LRBA: variants seen among roughly 807,000 people sequenced by gnomAD.
LRBA encodes lipopolysaccharide-responsive and beige-like anchor protein.
In LRBA, 176 loss-of-function variants were observed where a neutral mutation model predicts 330.0. That is an observed-to-expected ratio of 0.53 (90% CI 0.47 to 0.60). The LOEUF is 0.60. Among genes scored for constraint, LRBA ranks in the 20% least tolerant of loss-of-function variants. The pLI, the probability that LRBA is intolerant of heterozygous loss-of-function variation, is 0.00. For missense variants in LRBA, 3,259 were observed against 3,444.8 expected, an observed-to-expected ratio of 0.95 and a Z score of 1.35; for synonymous variants, 1,230 against 1,193.0, an observed-to-expected ratio of 1.03 and a Z score of -0.64.
chr4:150,574,324 G>A (rs892930107), intron 40 of LRBA, among the ~76,000 whole-genome samples: 13 of 151,968 alleles, frequency 8.6e-5, no homozygotes, highest in East Asian at 3.9e-4. Flanking sequence ...ATATACCTAC[G>A]TTAGAGCAGC....
At chr4:150,502,630 A>G (rs1760429107) in intron 40 of LRBA, among the ~76,000 whole-genome samples, 1 of 152,250 alleles carries the variant, frequency 6.6e-6, no homozygotes. Context: ...TGTGAGCAAC[A>G]CAGAAGACGG....
chr4:150,418,979 C>T (rs951928576), intron 46 of LRBA, among the ~76,000 whole-genome samples: 5 of 151,714 alleles, frequency 3.3e-5, no homozygotes, highest in African/African-American at 1.2e-4. Flanking sequence ...TTTCCCCAGC[C>T]TGGGGGAAAG....
Position 150,415,525 on chromosome 4 carries a change from T to G in LRBA, c.7107A>C (p.Gly2369=), listed in dbSNP as rs908237562. The part of the protein sequence containing the change: ...MFVNFNNYNL[G]VMDDGTVVSD... ...ACACTACTGTCCCATCATCCATCAC[T>G]CCAAGATTATAATTATTGAAGTTGA... The change falls in exon 47 of 57, where the codon GGA becomes GGC. Residue 2369 remains glycine, a synonymous_variant. Transcript: ENST00000651943. 4 of 1,604,992 alleles carry G rather than the reference T, an allele frequency of 2.5e-6. No individual in the cohort carries two copies. Among genetic ancestry groups the G allele is most frequent in the Non-Finnish European group, 3.4e-6 (4 of 1,171,840 alleles).
At chr4:150,998,007 C>T (rs1217249830) in intron 2 of LRBA, among the ~76,000 whole-genome samples, 1 of 151,956 alleles carries the variant, frequency 6.6e-6, no homozygotes, top group Non-Finnish European at 1.5e-5. Context: ...CCTGGCCAAA[C>T]AGTCTATAAT....
At position 150,639,664 on chromosome 4, in the gene LRBA, C is replaced by T. The variant is rs201294370; in HGVS notation, c.5922-40533G>A. On this transcript the variant is annotated intron_variant, in intron 37 of 56. Transcript: ENST00000651943. ...ATAATAATAATGGTCCTAGATCCTA[C>T]ATTACTTTAGAATGTTCTACTGTAT... 7.2e-4 allele frequency among the ~76,000 whole-genome samples: 99 copies of T among 138,092 alleles called. No homozygotes were observed. The East Asian group carries it at 0.019, about 27-fold the overall frequency. 90.6% of individuals were successfully genotyped at this position (138,092 alleles called of 152,430 possible). A position where few individuals can be genotyped will look rare whatever the true frequency, so the allele number is the denominator to read the frequency against.
intron 30 of LRBA, among the ~76,000 whole-genome samples, chr4:150,820,576 GAAAT>G (rs1745292562): frequency 6.6e-6 from 1 of 151,848 alleles, no homozygotes; most frequent in Admixed American, 6.6e-5. Flanking sequence ...ATATAATAGA[GAAAT>G]AAAATCAATT....
At chr4:150,488,446 C>A (rs1011797147) in intron 41 of LRBA, among the ~76,000 whole-genome samples, 3 of 151,534 alleles carry the variant, frequency 2.0e-5, no homozygotes, top group African/African-American at 7.3e-5. Flanking sequence ...TTTTCCTCTG[C>A]AGTTAAAAAT....
At chr4:150,668,121 T>C (rs975854604) in intron 37 of LRBA, among the ~76,000 whole-genome samples, 1 of 152,238 alleles carries the variant, frequency 6.6e-6, no homozygotes, top group Non-Finnish European at 1.5e-5. Flanking sequence ...AAAAATGGCC[T>C]CTGGAAGTTT....
intron 40 of LRBA, among the ~76,000 whole-genome samples, chr4:150,555,289 A>C (rs1187957099): frequency 6.6e-6 from 1 of 152,202 alleles, no homozygotes; most frequent in East Asian, 1.9e-4. Context: ...TGTATATTCT[A>C]CTATTTACTT....
intron 36 of LRBA, among the ~76,000 whole-genome samples, chr4:150,724,966 C>T (rs1382007621): frequency 2.0e-5 from 3 of 150,258 alleles, no homozygotes; most frequent in Non-Finnish European, 3.0e-5. Context: ...CAATAACATG[C>T]TGAAGAATGC....
intron 33 of LRBA, among the ~76,000 whole-genome samples, chr4:150,804,089 A>C (rs1310439893): frequency 1.3e-5 from 2 of 152,164 alleles, no homozygotes; most frequent in African/African-American, 4.8e-5. Context: ...TATGAAACAT[A>C]AATTAGGGAA....
intron 33 of LRBA, among the ~76,000 whole-genome samples, chr4:150,798,890 A>G (rs925757243): frequency 2.6e-5 from 4 of 152,180 alleles, no homozygotes; most frequent in Admixed American, 2.6e-4. Flanking sequence ...TAATCAAAAA[A>G]ATTACAATTT....
At chr4:150,959,294 G>GA (rs1561058751) in intron 2 of LRBA, among the ~76,000 whole-genome samples, 2 of 148,954 alleles carry the variant, frequency 1.3e-5, no homozygotes, top group African/African-American at 2.6e-5. Flanking sequence ...AAGAGCAGGG[G>GA]AAAAACCCAC....
chr4:150,944,929 C>T (rs1240595619), intron 2 of LRBA, among the ~76,000 whole-genome samples: 4 of 152,166 alleles, frequency 2.6e-5, no homozygotes, highest in African/African-American at 9.7e-5. Flanking sequence ...GGGCAGTTAC[C>T]CTGCACATGC....
chr4:150,408,773 C>A (rs992933257), intron 47 of LRBA, among the ~76,000 whole-genome samples: 1 of 152,036 alleles, frequency 6.6e-6, no homozygotes. Context: ...TATAATATAT[C>A]ATATTTCACT....
chr4:150,989,760 G>C (rs1013977666), intron 2 of LRBA, among the ~76,000 whole-genome samples: 13 of 151,864 alleles, frequency 8.6e-5, no homozygotes, highest in African/African-American at 2.4e-4. Flanking sequence ...AATAAAAAAG[G>C]AAGACAATGA....
chr4:150,933,552 C>T (rs1473759893), intron 2 of LRBA, among the ~76,000 whole-genome samples: 3 of 151,890 alleles, frequency 2.0e-5, no homozygotes, highest in Admixed American at 1.3e-4. Flanking sequence ...ACACATAGAC[C>T]TATGCATGTG....
rs1745056318 is a variant in LRBA at position 150,264,460 on chromosome 4, C to A, written c.*1262G>T. Reference sequence around the variant, plus strand: ...TTTGACATTTTCTTTCTTTGTGAATCATTATTTTATTAATGATGTTTAAAA... The same window carrying A: ...TTTGACATTTTCTTTCTTTGTGAATAATTATTTTATTAATGATGTTTAAAA... On this transcript the variant is annotated 3_prime_UTR_variant, in exon 57 of 57. Transcript: ENST00000651943. The A allele has an allele frequency of 1.0e-5, 1 of 97,442 alleles. No homozygotes were observed. The highest frequency in any genetic ancestry group is 2.9e-5 in the African/African-American group (1 of 34,152). The allele number at this position is 97,442 out of a possible 1,614,324, so 6.0% of individuals were successfully genotyped here.
At chr4:150,896,765 C>T (rs1480022483) in intron 15 of LRBA, among the ~76,000 whole-genome samples, 1 of 151,796 alleles carries the variant, frequency 6.6e-6, no homozygotes, top group East Asian at 1.9e-4. Context: ...AAGTAATATC[C>T]ACACCTACTA....
Sources: allele counts gnomAD v4.1 joint callset (sites outside exome capture counted in the v4.1 genomes callset), GRCh38; gene constraint gnomAD v4.1.1; transcripts MANE v1.5; gene names NCBI Gene and HGNC (gene_info 2026-07-23, HGNC 2026-07-21).